The following SMYD3 variants were observed in gnomAD, a reference collection of about 807,000 sequenced individuals.
SMYD3 encodes SET and MYND domain containing 3.
A neutral mutation model predicts 57.7 loss-of-function variants in SMYD3; 36 were observed. That is an observed-to-expected ratio of 0.62 (90% CI 0.48 to 0.82). The LOEUF (loss-of-function observed/expected upper bound fraction) is 0.82. Ranked by LOEUF, SMYD3 falls within the 40% of genes least tolerant of loss-of-function variation. The probability of loss-of-function intolerance (pLI) is 0.00; values close to 1 mark genes in which losing one functional copy is unlikely to be tolerated. For synonymous variants in SMYD3, 211 were observed against 195.0 expected, an observed-to-expected ratio of 1.08 and a Z score of -0.68; for missense variants, 515 against 538.8, an observed-to-expected ratio of 0.96 and a Z score of 0.44.
At chr1:246,060,582 A>ATTTTTTTTTTTTT in intron 5 of SMYD3, among the ~76,000 whole-genome samples, 1 of 152,298 alleles carries the variant, frequency 6.6e-6, no homozygotes, top group African/African-American at 2.4e-5. Flanking sequence ...CATTTTAATA[A>ATTTTTTTTTTTTT]ATTTTTATGA....
intron 5 of SMYD3, among the ~76,000 whole-genome samples, chr1:246,135,480 G>A (rs2061652776): frequency 6.6e-6 from 1 of 152,004 alleles, no homozygotes; most frequent in South Asian, 2.1e-4. Flanking sequence ...ATCACTTCCA[G>A]TAACATTCCT....
At chr1:246,360,055 T>C (rs1392613278) in intron 1 of SMYD3, among the ~76,000 whole-genome samples, 1 of 152,168 alleles carries the variant, frequency 6.6e-6, no homozygotes, top group African/African-American at 2.4e-5. Flanking sequence ...ATTGTATACC[T>C]AGAAAGCCCC....
At chr1:246,477,204 CAG>C (rs1304646959) in intron 1 of SMYD3, among the ~76,000 whole-genome samples, 15 of 152,192 alleles carry the variant, frequency 9.9e-5, no homozygotes, top group East Asian at 1.9e-4. Context: ...AAGGACTATT[CAG>C]AGTTTTCTTT....
chr1:245,773,090 T>TAA (rs34679948), intron 10 of SMYD3, among the ~76,000 whole-genome samples: 178 of 86,236 alleles, frequency 2.1e-3, no homozygotes, highest in Middle Eastern at 5.9e-3. Context: ...GGAGAATCAC[T>TAA]AAAAAAAAAA....
chr1:245,777,634 T>A (rs905059280), intron 10 of SMYD3, among the ~76,000 whole-genome samples: 1 of 152,182 alleles, frequency 6.6e-6, no homozygotes, highest in Non-Finnish European at 1.5e-5. Context: ...CTTAAATGTA[T>A]CTTCTCACAC....
intron 10 of SMYD3, among the ~76,000 whole-genome samples, chr1:245,854,605 CT>C (rs2051139052): frequency 6.6e-6 from 1 of 152,116 alleles, no homozygotes; most frequent in African/African-American, 2.4e-5. Context: ...CTCTCTCTCT[CT>C]CTCTTTTTCC....
intron 7 of SMYD3, among the ~76,000 whole-genome samples, chr1:245,918,450 T>G (rs897862210): frequency 3.3e-5 from 5 of 152,132 alleles, no homozygotes; most frequent in Admixed American, 2.0e-4. Flanking sequence ...CTCACACCTG[T>G]GTTAGAGAAT....
At chr1:245,944,972 A>G (rs2057383602) in intron 5 of SMYD3, among the ~76,000 whole-genome samples, 1 of 152,188 alleles carries the variant, frequency 6.6e-6, no homozygotes, top group Admixed American at 6.5e-5. Context: ...CTTACACATT[A>G]TACAAAAATT....
chr1:245,949,783 T>G (rs539967527), intron 5 of SMYD3, among the ~76,000 whole-genome samples: 9 of 152,106 alleles, frequency 5.9e-5, no homozygotes, highest in African/African-American at 2.2e-4. Context: ...GACTCCAGCC[T>G]GGGCAACAGA....
intron 1 of SMYD3, among the ~76,000 whole-genome samples, chr1:246,480,739 G>A (rs966685909): frequency 1.1e-4 from 16 of 152,100 alleles, no homozygotes; most frequent in Non-Finnish European, 1.6e-4. Context: ...GGGTCCTTCT[G>A]ACAAAATGAA....
intron 8 of SMYD3, among the ~76,000 whole-genome samples, chr1:245,893,504 T>C (rs2362257): frequency 1 from 151,969 of 152,354 alleles, 75,796 homozygotes; most frequent in Middle Eastern, 1. Flanking sequence ...AGCCATGTAA[T>C]GGAATACTAC....
chr1:246,219,983 G>A (rs577249332), intron 5 of SMYD3, among the ~76,000 whole-genome samples: 1 of 152,296 alleles, frequency 6.6e-6, no homozygotes, highest in African/African-American at 2.4e-5. Context: ...AGAGCTGCAG[G>A]TGAGTAAACA....
chr1:245,863,767 C>A, intron 9 of SMYD3, 32 bp downstream of exon 9: 10 of 1,592,736 alleles, frequency 6.3e-6, no homozygotes, highest in Non-Finnish European at 8.6e-6. Flanking sequence ...ACAATCCCAA[C>A]AGTCCACCTC....
At chr1:245,782,879 G>A (rs2046889094) in intron 10 of SMYD3, among the ~76,000 whole-genome samples, 1 of 152,214 alleles carries the variant, frequency 6.6e-6, no homozygotes, top group Non-Finnish European at 1.5e-5. Flanking sequence ...AATGCATAGT[G>A]AAACGCTATG....
chr1:246,438,072 G>A (rs1303287610), intron 1 of SMYD3, among the ~76,000 whole-genome samples: 1 of 147,286 alleles, frequency 6.8e-6, no homozygotes, highest in African/African-American at 2.5e-5. Flanking sequence ...ATAGAGGGGG[G>A]AAAAACCCTG....
intron 5 of SMYD3, among the ~76,000 whole-genome samples, chr1:246,082,801 A>G (rs994064275): frequency 6.6e-6 from 1 of 152,114 alleles, no homozygotes; most frequent in Non-Finnish European, 1.5e-5. Flanking sequence ...GGATGCTGTT[A>G]ATCTGTGACC....
At chr1:246,176,789 T>C (rs986506627) in intron 5 of SMYD3, among the ~76,000 whole-genome samples, 1 of 152,140 alleles carries the variant, frequency 6.6e-6, no homozygotes. Context: ...TCCCAAAGTG[T>C]TGGGATTACA....
intron 1 of SMYD3, among the ~76,000 whole-genome samples, chr1:246,469,336 C>T (rs955286375): frequency 2.6e-5 from 4 of 152,232 alleles, no homozygotes; most frequent in African/African-American, 9.6e-5. Flanking sequence ...TACTACCTAG[C>T]AGTCAAGGCA....
chr1:246,113,036 G>C (rs1488122776), intron 5 of SMYD3, among the ~76,000 whole-genome samples: 2 of 151,980 alleles, frequency 1.3e-5, no homozygotes, highest in Non-Finnish European at 2.9e-5. Context: ...AAAAAAGTTA[G>C]CCAGGTGTGG....
Sources: gnomAD v4.1 joint callset for allele counts (sites outside exome capture counted in the v4.1 genomes callset) on GRCh38, gnomAD v4.1.1 for gene constraint, MANE v1.5 for transcripts, NCBI Gene and HGNC (gene_info 2026-07-23, HGNC 2026-07-21) for gene names.